The following CIITA variants were observed in gnomAD, a reference collection of about 807,000 sequenced individuals.
CIITA encodes the protein class II major histocompatibility complex transactivator, also known as MHC class II transactivator.
Under a neutral mutation model 115.1 loss-of-function variants are expected in CIITA, and 72 were observed. The ratio of observed to expected loss-of-function variants is 0.63; its 90% CI spans 0.52 to 0.76. The LOEUF is 0.76. Ranked by LOEUF, CIITA falls within the 30% of genes least tolerant of loss-of-function variation. The pLI, the probability that CIITA is intolerant of heterozygous loss-of-function variation, is 0.00. For synonymous variants in CIITA, 763 were observed against 635.6 expected, an observed-to-expected ratio of 1.20 and a Z score of -3.02; for missense variants, 1,617 against 1,463.8, an observed-to-expected ratio of 1.10 and a Z score of -1.71.
At chr16:10,903,990 T>C in intron 9 of CIITA, 95 bp downstream of exon 9, 1 of 1,536,894 alleles carries the variant, frequency 6.5e-7, no homozygotes, top group Non-Finnish European at 9.0e-7. Flanking sequence ...CAAAGCTGCC[T>C]GTAGGGACAA....
Position 10,923,137 on chromosome 16 carries a change from G to C in CIITA, c.3318-91G>C. 9.3e-7 allele frequency: 1 copy of C among 1,072,928 alleles called. No homozygotes were observed. Among genetic ancestry groups the C allele is most frequent in the Non-Finnish European group, 1.4e-6 (1 of 696,736 alleles). The allele number at this position is 1,072,928 out of a possible 1,614,324, so 66.5% of individuals were successfully genotyped here. Reference sequence around the variant, plus strand: ...AAAAGTCCCCAACGTTCTAGGCTGGGTGGAAGGAGGGATTTGGGGGCAGCT... The same window carrying C: ...AAAAGTCCCCAACGTTCTAGGCTGGCTGGAAGGAGGGATTTGGGGGCAGCT... On this transcript the variant is annotated intron_variant, in intron 18 of 19. Transcript: ENST00000324288. This position sits in a 1 kb window ranked among gnomAD's most constrained non-coding sequence, Gnocchi z 5.2.
intron 3 of CIITA, among the ~76,000 whole-genome samples, chr16:10,896,683 C>T (rs2038161639): frequency 1.3e-5 from 2 of 152,214 alleles, no homozygotes; most frequent in African/African-American, 4.8e-5. Context: ...GTCCTGCCCC[C>T]ATTTTCCTTG....
intron 1 of CIITA, among the ~76,000 whole-genome samples, chr16:10,886,687 G>A (rs1014872262): frequency 6.6e-6 from 1 of 152,172 alleles, no homozygotes; most frequent in Non-Finnish European, 1.5e-5. Context: ...TATTTTTGGA[G>A]TTTACATCTT....
intron 1 of CIITA, among the ~76,000 whole-genome samples, chr16:10,891,816 C>G (rs766096870): frequency 6.6e-6 from 1 of 152,168 alleles, no homozygotes; most frequent in East Asian, 1.9e-4. Flanking sequence ...GGGCGGTGGC[C>G]CCATCTTTCA....
Position 10,877,394 on chromosome 16 carries a change from G to A in CIITA, c.52+12G>A, listed in dbSNP as rs778179924. ...GTCAGAGCCCCAAGGTAAAAAGGCC[G>A]GGAAAGCATCTTAATTTAGCGTGCA... On this transcript the variant is annotated intron_variant, in intron 1 of 19. Coordinates refer to ENST00000324288, the MANE Select transcript of CIITA (RefSeq NM_000246.4). 23 of 1,611,530 alleles carry A rather than the reference G, an allele frequency of 1.4e-5. No homozygotes were observed. Among genetic ancestry groups the A allele is most frequent in the African/African-American group, 2.7e-5 (2 of 74,858 alleles).
rs916256211 is a variant in CIITA, at chr16:10,926,425, C to T, written c.*2570C>T. 4 of 152,248 alleles carry T rather than the reference C, an allele frequency of 2.6e-5. No homozygotes were observed. The highest frequency in any genetic ancestry group is 2.6e-4 in the Admixed American group (4 of 15,294). 9.4% of individuals were successfully genotyped at this position (152,248 alleles called of 1,614,324 possible). ...GGTGTGCTCTGATCATCCACTGTGC[C>T]ATGTGCCAGGTTTTTGGTCTGACCC... On this transcript the variant is annotated 3_prime_UTR_variant, in exon 20 of 20. Coordinates refer to ENST00000324288, the MANE Select transcript of CIITA (RefSeq NM_000246.4).
At chr16:10,919,615 C>T (rs905458186) in intron 16 of CIITA, among the ~76,000 whole-genome samples, 1 of 152,154 alleles carries the variant, frequency 6.6e-6, no homozygotes, top group Non-Finnish European at 1.5e-5. Context: ...CTGAAGCGAA[C>T]CTCCCACCTC....
At position 10,913,051 on chromosome 16, in the gene CIITA, C is replaced by T. The variant is rs936173632; in HGVS notation, c.2889-2519C>T. On this transcript the variant is annotated intron_variant, in intron 13 of 19. Transcript: ENST00000324288. ...CTCACCTGTTCACCCTTATCTCCTACACTCGCTGGGTGCTCTCTCCATTCC... is the reference window on the plus strand; with the variant it reads ...CTCACCTGTTCACCCTTATCTCCTATACTCGCTGGGTGCTCTCTCCATTCC... 3.3e-5 allele frequency among the ~76,000 whole-genome samples: 5 copies of T among 152,366 alleles called. No individual in the cohort carries two copies. In the South Asian group the frequency reaches 6.2e-4, roughly 19 times the overall value.
At chr16:10,900,416 T>C (rs938846158) in intron 5 of CIITA, among the ~76,000 whole-genome samples, 1 of 152,186 alleles carries the variant, frequency 6.6e-6, no homozygotes, top group Non-Finnish European at 1.5e-5. Context: ...ATGTTTTCAT[T>C]TGATAAATAT....
chr16:10,874,204 G>C (rs959562054), upstream of CIITA, among the ~76,000 whole-genome samples: 1 of 152,018 alleles, frequency 6.6e-6, no homozygotes, highest in African/African-American at 2.4e-5. Flanking sequence ...GGCTGGTTTC[G>C]AATTCCTGAC....
At chr16:10,916,644 G>A (rs997136688) in intron 15 of CIITA, 185 bp downstream of exon 15, 32 of 635,250 alleles carry the variant, frequency 5.0e-5, no homozygotes, top group Admixed American at 3.4e-4. Flanking sequence ...CCTCACCTCC[G>A]CTTCCCAAAG....
At chr16:10,886,937 G>T (rs905415310) in intron 1 of CIITA, among the ~76,000 whole-genome samples, 1 of 152,188 alleles carries the variant, frequency 6.6e-6, no homozygotes, top group African/African-American at 2.4e-5. Flanking sequence ...AAGCCTCTTT[G>T]GCAGGGACTG....
At chr16:10,887,947 T>G (rs2037128841) in intron 1 of CIITA, among the ~76,000 whole-genome samples, 1 of 152,172 alleles carries the variant, frequency 6.6e-6, no homozygotes, top group South Asian at 2.1e-4. Flanking sequence ...CTGGACGTAA[T>G]CTCAGCGCCT....
chr16:10,902,775 G>C lies in CIITA; in HGVS notation c.746G>C (p.Gly249Ala). Residue 249 changes from glycine (G) to alanine (A), a missense_variant, in exon 8 of 20, where the codon GGG becomes GCG. Transcript: ENST00000324288. ...TGGCAAATCTCTGAGGCTGGAACAG[G>C]GGTCTCCAGTATATTCATCTACCAT... ...GLWQISEAGT[G>A]VSSIFIYHGE... 1.9e-6 allele frequency: 3 copies of C among 1,614,146 alleles called. No individual in the cohort carries two copies. The highest frequency in any genetic ancestry group is 1.1e-5 in the South Asian group (1 of 91,090).
chr16:10,899,111 G>A, intron 5 of CIITA, 109 bp downstream of exon 5: 1 of 1,043,992 alleles, frequency 9.6e-7, no homozygotes, highest in Non-Finnish European at 1.5e-6. Context: ...AGTCCTGTCT[G>A]GTTGGGAGGC....
chr16:10,914,294 G>C (rs951570524), intron 13 of CIITA, among the ~76,000 whole-genome samples: 3 of 152,184 alleles, frequency 2.0e-5, no homozygotes, highest in African/African-American at 7.2e-5. Flanking sequence ...CCTTTAGCAG[G>C]GAGCCAAATG....
At position 10,916,475 on chromosome 16, in the gene CIITA, C is replaced by G. The variant is rs770824543; in HGVS notation, c.3062+16C>G. On this transcript the variant is annotated intron_variant, in intron 15 of 19. Transcript: ENST00000324288. ...AAACCCTCAAGTGAGTGAGCTGGGC[C>G]TGCCCTTCCTGCTGAATCGGGCCCC... The G allele has an allele frequency of 3.7e-5, 60 of 1,602,352 alleles. No homozygotes were observed. The East Asian group carries it at 1.3e-3, about 36-fold the overall frequency.
At chr16:10,889,061 G>T (rs1465845393) in intron 1 of CIITA, among the ~76,000 whole-genome samples, 1 of 152,194 alleles carries the variant, frequency 6.6e-6, no homozygotes, top group East Asian at 1.9e-4. Flanking sequence ...TCATTGCCAC[G>T]GATGAAGAGA....
intron 15 of CIITA, among the ~76,000 whole-genome samples, chr16:10,917,772 G>GC (rs1457120604): frequency 5.9e-5 from 9 of 152,108 alleles, no homozygotes; most frequent in Non-Finnish European, 1.5e-5. Flanking sequence ...GAGCCACCAC[G>GC]CCCAGTTCAA....
Sources: allele counts gnomAD v4.1 joint callset (sites outside exome capture counted in the v4.1 genomes callset), GRCh38; gene constraint gnomAD v4.1.1; non-coding constraint Gnocchi (gnomAD v3.1); transcripts MANE v1.5; gene names NCBI Gene and HGNC (gene_info 2026-07-23, HGNC 2026-07-21).